The following PKD1 variants were observed in gnomAD, a reference collection of about 807,000 sequenced individuals.
The protein encoded by PKD1 is polycystin 1, transient receptor potential channel interacting.
In PKD1, 81 loss-of-function variants were observed where a neutral mutation model predicts 361.7. The observed-to-expected ratio is 0.22, with a 90% CI of 0.19 to 0.27. The LOEUF is 0.27. Among genes scored for constraint, PKD1 ranks in the 10% least tolerant of loss-of-function variants. The probability of loss-of-function intolerance (pLI) is 1.00; values close to 1 mark genes in which losing one functional copy is unlikely to be tolerated. For missense variants in PKD1, 6,399 were observed against 6,118.3 expected, an observed-to-expected ratio of 1.05 and a Z score of -1.53; for synonymous variants, 3,615 against 2,818.3, an observed-to-expected ratio of 1.28 and a Z score of -8.95.
intron 34 of PKD1, among the ~76,000 whole-genome samples, chr16:2,096,502 A>C (rs192110487): frequency 6.6e-5 from 10 of 152,168 alleles, no homozygotes; most frequent in South Asian, 2.1e-4. Flanking sequence ...GTTACAAAAC[A>C]ACCAAGAAAT....
chr16:2,089,868 T>G lies in PKD1; in HGVS notation c.12771A>C (p.Gly4257=), dbSNP rs2091386503. The G allele has an allele frequency of 2.5e-6, 4 of 1,609,394 alleles. No homozygotes were observed. In the Admixed American group the frequency reaches 5.0e-5, roughly 20 times the overall value. ...GGCCCGGGGATGGGCCACGGGAAGA[T>G]CCGGCGGGCGCCCGGCTGCTCCTGC... ...QGRRSSRAPA[G]SSRGPSPGLR... is the part of the protein sequence containing the mutation. Residue 4257 remains glycine, a synonymous_variant, in exon 46 of 46, where the codon GGA becomes GGC. Coordinates refer to ENST00000262304, the MANE Select transcript of PKD1 (RefSeq NM_001009944.3).
In PKD1 at chr16:2,092,186, G is replaced by A. The variant is rs1351444895; in HGVS notation, c.11272C>T (p.Leu3758Phe). 1 of 1,600,258 alleles carries A rather than the reference G, an allele frequency of 6.2e-7. No individual in the cohort carries two copies. Among genetic ancestry groups the A allele is most frequent in the Non-Finnish European group, 8.5e-7 (1 of 1,174,758 alleles). ...RLRQVRLQEALYPDPPGPRVH... is the reference protein window; with the variant it reads ...RLRQVRLQEAFYPDPPGPRVH... ...CTGGGGCCGGGAGGGTCTGGGTAGA[G>A]TGCTGAAACACACAGAGCCCCAGGC... Residue 3758 changes from leucine (L) to phenylalanine (F), a missense_variant and splice_region_variant, in exon 40 of 46, where the codon CTC becomes TTC. Physicochemically the swap from Leu to Phe is conservative, Grantham distance 22. Coordinates refer to ENST00000262304, the MANE Select transcript of PKD1 (RefSeq NM_001009944.3).
rs375378535 is a variant in PKD1, at chr16:2,100,458, C to T, written c.9506G>A (p.Arg3169Gln). 3.6e-4 allele frequency: 573 copies of T among 1,610,954 alleles called. 1 individual carries two copies. The highest frequency in any genetic ancestry group is 3.3e-3 in the East Asian group (149 of 44,862). The change falls in exon 27 of 46, where the codon CGG becomes CAG. Residue 3169 changes from arginine to glutamine, a missense_variant. Coordinates refer to ENST00000262304, the MANE Select transcript of PKD1 (RefSeq NM_001009944.3). The surrounding 1 kb of genome is among the most constrained non-coding windows in gnomAD (Gnocchi z 4.4). ...AFHRNSLDIFRIATPHSLGSV... is the reference protein window; with the variant it reads ...AFHRNSLDIFQIATPHSLGSV... The stretch of plus-strand genomic sequence containing the variant: ...ACCCAGGCTGTGCGGGGTGGCGATC[C>T]GGAAGATGTCCAGGCTGTTGCGGTG...
rs201589702 is a variant in PKD1, at chr16:2,103,726, C to T, written c.8331G>A (p.Ala2777=). The change falls in exon 23 of 46, where the codon GCG becomes GCA. Residue 2777 remains alanine (A), a synonymous_variant. Coordinates refer to ENST00000262304, the MANE Select transcript of PKD1 (RefSeq NM_001009944.3). The stretch of plus-strand genomic sequence containing the variant: ...TGCCCTGGGCCACGATCTCCTCGCC[C>T]GCCAGCGTCAGGGGCTCCTCGTTGA... ...RVLNEEPLTL[A]GEEIVAQGKR... 1.4e-4 allele frequency: 219 copies of T among 1,609,958 alleles called. 1 individual carries two copies. Among genetic ancestry groups the T allele is most frequent in the African/African-American group, 1.7e-4 (13 of 74,854 alleles).
chr16:2,095,143 C>T (rs1471147467), intron 34 of PKD1: 1 of 151,702 alleles, frequency 6.6e-6, no homozygotes, highest in Non-Finnish European at 1.5e-5. Flanking sequence ...GGCGTGGTGG[C>T]TCACGCCTGT....
At position 2,089,891 on chromosome 16, in the gene PKD1, T is replaced by A. The variant is rs2091389295; in HGVS notation, c.12748A>T (p.Arg4250Trp). 6.2e-7 allele frequency: 1 copy of A among 1,611,102 alleles called. No homozygotes were observed. Among genetic ancestry groups the A allele is most frequent in the Middle Eastern group, 1.7e-4 (1 of 6,054 alleles). ...EQQLHSLQGR[R>W]SSRAPAGSSR... The stretch of plus-strand genomic sequence containing the variant: ...GATCCGGCGGGCGCCCGGCTGCTCC[T>A]GCGGCCTTGCAGGCTGTGCAGCTGC... The change falls in exon 46 of 46, where the codon AGG (arginine) becomes TGG (tryptophan). Residue 4250 changes from arginine (R) to tryptophan (W), a missense_variant. Coordinates refer to ENST00000262304, the MANE Select transcript of PKD1 (RefSeq NM_001009944.3).
intron 37 of PKD1, 182 bp from the exon 38 acceptor site, chr16:2,093,275 C>G: frequency 1.3e-6 from 1 of 752,642 alleles, no homozygotes; most frequent in South Asian, 1.7e-5. Flanking sequence ...GGAACCCCAC[C>G]TGGGGGCAGA....
rs568579810 is a variant in PKD1 at position 2,108,103 on chromosome 16, G to A, written c.6916-71C>T. 8.6e-4 allele frequency: 1,335 copies of A among 1,560,360 alleles called. 1 individual carries two copies. Among genetic ancestry groups the A allele is most frequent in the Non-Finnish European group, 1.1e-3 (1,231 of 1,143,562 alleles). On this transcript the variant is annotated intron_variant, in intron 15 of 45. Coordinates refer to ENST00000262304, the MANE Select transcript of PKD1 (RefSeq NM_001009944.3). Reference sequence around the variant, plus strand: ...AGTTTTAAAGCAGAGCCCGGCCCAGGAGACAGCGCGGGAGACCCCCTCCCC... The same window carrying A: ...AGTTTTAAAGCAGAGCCCGGCCCAGAAGACAGCGCGGGAGACCCCCTCCCC...
chr16:2,109,770 C>A lies in PKD1; in HGVS notation c.5397G>T (p.Gln1799His), dbSNP rs1490710917. Residue 1799 changes from glutamine to histidine, a missense_variant, in exon 15 of 46, where the codon CAG (glutamine) becomes CAT (histidine). Transcript: ENST00000262304. Reference protein sequence around the residue: ...SANATVEVDVQVPVSGLSIRA... With the variant: ...SANATVEVDVHVPVSGLSIRA... ...TGATGCTGAGGCCACTCACAGGCAC[C>A]TGCACATCCACTTCCACGGTGGCGT... is the stretch of plus-strand genomic sequence containing the variant. 1 of 1,610,018 alleles carries A rather than the reference C, an allele frequency of 6.2e-7. No individual in the cohort carries two copies. The highest frequency in any genetic ancestry group is 8.5e-7 in the Non-Finnish European group (1 of 1,179,548).
chr16:2,122,101 G>A (rs1178003286), intron 1 of PKD1, among the ~76,000 whole-genome samples: 1 of 152,254 alleles, frequency 6.6e-6, no homozygotes, highest in African/African-American at 2.4e-5. Context: ...CAACAAAGAA[G>A]GGGACCAGAG....
chr16:2,111,436 G>T lies in PKD1; in HGVS notation c.3731C>A (p.Thr1244Asn), dbSNP rs143624531. 4 of 1,611,814 alleles carry T rather than the reference G, an allele frequency of 2.5e-6. No homozygotes were observed. The East Asian group carries it at 8.9e-5, about 36-fold the overall frequency. Residue 1244 changes from threonine (T) to asparagine (N), a missense_variant, in exon 15 of 46, where the codon ACC (threonine) becomes AAC (asparagine). Thr to Asn is a moderately conservative substitution (Grantham distance 65). Transcript: ENST00000262304. ...AVQTGDNITW[T>N]FDMGDGTVLS... ...CACGGTGCCGTCCCCCATGTCGAAG[G>T]TCCACGTGATGTTGTCGCCCGTCTG...
In PKD1 at chr16:2,114,787, T is replaced by C. The variant is rs1458320098; in HGVS notation, c.2236A>G (p.Asn746Asp). The change falls in exon 11 of 46, where the codon AAC becomes GAC. Residue 746 changes from asparagine to aspartate, a missense_variant. Asn to Asp is a conservative substitution (Grantham distance 23). Coordinates refer to ENST00000262304, the MANE Select transcript of PKD1 (RefSeq NM_001009944.3). ...AAGTGGGGCAGCCATGACGAGGCGTTGGCGGAGAGGTACGGGGCCCGGGGA... is the reference window on the plus strand; with the variant it reads ...AAGTGGGGCAGCCATGACGAGGCGTCGGCGGAGAGGTACGGGGCCCGGGGA... ...PGPRAPYLSA[N>D]ASSWLPHLPA... 8.1e-7 allele frequency: 1 copy of C among 1,240,036 alleles called. No individual in the cohort carries two copies. Among genetic ancestry groups the C allele is most frequent in the Non-Finnish European group, 1.1e-6 (1 of 880,460 alleles). The allele number at this position is 1,240,036 out of a possible 1,614,324, so 76.8% of individuals were successfully genotyped here.
At position 2,097,551 on chromosome 16, in the gene PKD1, A is replaced by G. The variant is rs1021502570; in HGVS notation, c.10221-48T>C. Reference sequence around the variant, plus strand: ...AGGTACCAGGGGATGTGTCACACACACAGCCCACCCCCGTCCAGTCACGCA... The same window carrying G: ...AGGTACCAGGGGATGTGTCACACACGCAGCCCACCCCCGTCCAGTCACGCA... On this transcript the variant is annotated intron_variant, in intron 32 of 45. Transcript: ENST00000262304. 3.1e-6 allele frequency: 5 copies of G among 1,603,644 alleles called. No individual in the cohort carries two copies. In the African/African-American group the frequency reaches 6.7e-5, roughly 21 times the overall value.
chr16:2,134,809 C>T lies in PKD1; in HGVS notation c.215+666G>A, dbSNP rs569447485. Among the ~76,000 whole-genome samples, 136 of 149,924 alleles carry T rather than the reference C, an allele frequency of 9.1e-4. 2 individuals are homozygous for T. The highest frequency in any genetic ancestry group is 6.9e-3 in the East Asian group (35 of 5,108). ...ACCTGTTGTTTTTATCTCCCGAAAG[C>T]GAACATGACAAGGCTTTAACCCCCC... On this transcript the variant is annotated intron_variant, in intron 1 of 45. Transcript: ENST00000262304.
In PKD1 at chr16:2,091,446, G is replaced by A. The variant is rs745713081; in HGVS notation, c.11689C>T (p.Leu3897Phe). The A allele has an allele frequency of 5.3e-5, 65 of 1,216,058 alleles. 2 individuals carry two copies. In the South Asian group the frequency reaches 1.0e-3, roughly 19 times the overall value. The allele number at this position is 1,216,058 out of a possible 1,614,324, so 75.3% of individuals were successfully genotyped here. A position where few individuals can be genotyped will look rare whatever the true frequency, so the allele number is the denominator to read the frequency against. Reference protein sequence around the residue: ...PFALRRLSAGLSLPLLTSVCL... With the variant: ...PFALRRLSAGFSLPLLTSVCL... ...ACCGAGGTGAGCAGAGGCAGCGAGA[G>A]GCCCGCGCTGAGGCGGCGCAGCGCA... The change falls in exon 42 of 46, where the codon CTC (leucine) becomes TTC (phenylalanine). Residue 3897 changes from leucine to phenylalanine, a missense_variant. Leu to Phe is a conservative substitution (Grantham distance 22). Transcript: ENST00000262304.
At chr16:2,107,462 G>C (rs1307595657) in intron 16 of PKD1, 1 of 366,214 alleles carries the variant, frequency 2.7e-6, no homozygotes, top group Non-Finnish European at 5.2e-6. Context: ...GGCACCAGCA[G>C]GCCCCGCCTG....
In PKD1 at chr16:2,106,743, G is replaced by A. The variant is rs759614986; in HGVS notation, c.7209+62C>T. 1.1e-5 allele frequency: 17 copies of A among 1,510,472 alleles called. No homozygotes were observed. The highest frequency in any genetic ancestry group is 1.4e-5 in the Non-Finnish European group (16 of 1,109,868). 93.6% of individuals were successfully genotyped at this position (1,510,472 alleles called of 1,614,324 possible). A position where few individuals can be genotyped will look rare whatever the true frequency, so the allele number is the denominator to read the frequency against. On this transcript the variant is annotated intron_variant, in intron 17 of 45. Coordinates refer to ENST00000262304, the MANE Select transcript of PKD1 (RefSeq NM_001009944.3). This position sits in a 1 kb window ranked among gnomAD's most constrained non-coding sequence, Gnocchi z 6.5. ...CCTGTCAGCCCCACTTCTGCCTGCA[G>A]GCCCCGTCCCCTCGGCCATGGGACC...
Position 2,108,497 on chromosome 16 carries a change from G to A in PKD1, c.6670C>T (p.Pro2224Ser), listed in dbSNP as rs1409610758. The change falls in exon 15 of 46, where the codon CCT becomes TCT. Residue 2224 changes from proline to serine, a missense_variant. Pro to Ser is a moderately conservative substitution (Grantham distance 74). Transcript: ENST00000262304. ...AACACAAAGCAGTAGTGCCCCACAG[G>A]CAGCGCCAGCCGCGGCAGCACCAGC... ...PRLVLPRLAL[P>S]VGHYCFVFVV... 1.2e-6 allele frequency: 2 copies of A among 1,609,370 alleles called. No homozygotes were observed. The highest frequency in any genetic ancestry group is 3.3e-5 in the Admixed American group (2 of 59,970).
intron 8 of PKD1, 93 bp downstream of exon 8, chr16:2,116,436 C>A (rs1663703484): frequency 2.8e-6 from 2 of 703,556 alleles, no homozygotes; most frequent in Non-Finnish European, 5.0e-6. Context: ...TTAAGGCCCC[C>A]AAGTTTTTTG....
Sources: gnomAD v4.1 joint callset for allele counts (sites outside exome capture counted in the v4.1 genomes callset) on GRCh38, gnomAD v4.1.1 for gene constraint, Gnocchi (gnomAD v3.1) non-coding constraint, MANE v1.5 for transcripts, NCBI Gene and HGNC (gene_info 2026-07-23, HGNC 2026-07-21) for gene names.